The following OXR1 variants were observed in gnomAD, a reference collection of about 807,000 sequenced individuals.
OXR1 encodes the protein oxidation resistance protein 1.
In OXR1, 41 loss-of-function variants were observed where a neutral mutation model predicts 104.6. That is an observed-to-expected ratio of 0.39 (90% confidence interval 0.31 to 0.51). The LOEUF is 0.51. OXR1 is among the 20% of genes least tolerant of loss of function. The pLI is 0.77. For missense variants in OXR1, 955 were observed against 1,031.9 expected, an observed-to-expected ratio of 0.93 and a Z score of 1.02; for synonymous variants, 348 against 348.4, an observed-to-expected ratio of 1.00 and a Z score of 0.01.
intron 3 of OXR1, among the ~76,000 whole-genome samples, chr8:106,578,949 G>A (rs1340737599): frequency 6.9e-6 from 1 of 143,970 alleles, no homozygotes; most frequent in Non-Finnish European, 1.5e-5. Context: ...TGGCATCTTT[G>A]ACTTTAGTGA....
intron 2 of OXR1, among the ~76,000 whole-genome samples, chr8:106,430,207 A>G (rs1458022724): frequency 6.6e-6 from 1 of 152,204 alleles, no homozygotes; most frequent in Non-Finnish European, 1.5e-5. Flanking sequence ...TTTATGTGTT[A>G]TGTAAACCAA....
At chr8:106,297,875 A>G (rs918356973) in intron 1 of OXR1, among the ~76,000 whole-genome samples, 2 of 152,224 alleles carry the variant, frequency 1.3e-5, no homozygotes, top group African/African-American at 4.8e-5. Context: ...ATGAACAAAA[A>G]GTGGTGAGGG....
intron 1 of OXR1, among the ~76,000 whole-genome samples, chr8:106,288,544 A>ATG (rs1812595297): frequency 5.0e-5 from 5 of 100,578 alleles, no homozygotes; most frequent in Admixed American, 2.9e-4. Context: ...GTGTGTGTGT[A>ATG]TATATATATA....
At chr8:106,574,777 C>G (rs375819678) in intron 3 of OXR1, among the ~76,000 whole-genome samples, 1 of 152,206 alleles carries the variant, frequency 6.6e-6, no homozygotes, top group South Asian at 2.1e-4. Context: ...AATAGTGCTT[C>G]TAATGCAGCT....
chr8:106,359,848 T>C (rs1260272880), intron 2 of OXR1, among the ~76,000 whole-genome samples: 1 of 152,130 alleles, frequency 6.6e-6, no homozygotes, highest in Non-Finnish European at 1.5e-5. Flanking sequence ...CTGGAAAGGA[T>C]TGAAGCCTCG....
intron 3 of OXR1, among the ~76,000 whole-genome samples, chr8:106,665,680 T>A (rs1038951397): frequency 6.6e-6 from 1 of 152,180 alleles, no homozygotes; most frequent in African/African-American, 2.4e-5. Flanking sequence ...TGTTTTTCTG[T>A]GTGTGAAGGC....
At chr8:106,626,832 ATATAT>A (rs1822210146) in intron 3 of OXR1, among the ~76,000 whole-genome samples, 1 of 150,870 alleles carries the variant, frequency 6.6e-6, no homozygotes, top group Admixed American at 6.6e-5. Context: ...ATTTTTAAAT[ATATAT>A]TATAATTATC....
At chr8:106,720,440 TTAGAC>T (rs764319063) in intron 11 of OXR1, among the ~76,000 whole-genome samples, 14 of 152,216 alleles carry the variant, frequency 9.2e-5, no homozygotes, top group Non-Finnish European at 1.5e-5. Context: ...GGAAGACTCT[TTAGAC>T]TATATTGATT....
intron 3 of OXR1, among the ~76,000 whole-genome samples, chr8:106,634,189 C>T (rs576087415): frequency 2.6e-4 from 40 of 152,068 alleles, no homozygotes; most frequent in South Asian, 2.1e-4. Context: ...GCCAGTATAA[C>T]GTGAAAGGCA....
chr8:106,606,020 T>G (rs1333269118), intron 3 of OXR1, among the ~76,000 whole-genome samples: 1 of 152,016 alleles, frequency 6.6e-6, no homozygotes. Flanking sequence ...CTATTGCAGT[T>G]GTGACAAGTC....
intron 16 of OXR1, among the ~76,000 whole-genome samples, chr8:106,746,795 G>T (rs879827757): frequency 5.9e-5 from 9 of 152,052 alleles, no homozygotes; most frequent in Non-Finnish European, 1.3e-4. Flanking sequence ...TACCTTTTGG[G>T]GGGGGTATCA....
At chr8:106,523,698 T>G (rs180961553) in intron 3 of OXR1, among the ~76,000 whole-genome samples, 1 of 152,282 alleles carries the variant, frequency 6.6e-6, no homozygotes, top group East Asian at 1.9e-4. Context: ...AAAAATAGAA[T>G]GGTTAATTAG....
chr8:106,500,765 C>T (rs751946913), intron 2 of OXR1, among the ~76,000 whole-genome samples: 8 of 152,136 alleles, frequency 5.3e-5, no homozygotes, highest in Non-Finnish European at 1.2e-4. Context: ...ATAATGTTTT[C>T]CTTTTAGTTA....
At chr8:106,413,623 C>T (rs1168930585) in intron 2 of OXR1, among the ~76,000 whole-genome samples, 1 of 151,888 alleles carries the variant, frequency 6.6e-6, no homozygotes, top group Non-Finnish European at 1.5e-5. Context: ...CTTAATTGTA[C>T]GCTTTCTAGT....
chr8:106,591,894 T>C (rs1323282091), intron 3 of OXR1, among the ~76,000 whole-genome samples: 1 of 152,212 alleles, frequency 6.6e-6, no homozygotes, highest in Non-Finnish European at 1.5e-5. Flanking sequence ...AAACGCAAGG[T>C]TATTCATAAA....
chr8:106,398,337 AT>A (rs1817864808), intron 2 of OXR1, among the ~76,000 whole-genome samples: 1 of 152,078 alleles, frequency 6.6e-6, no homozygotes, highest in Non-Finnish European at 1.5e-5. Flanking sequence ...ATTTAGATTT[AT>A]TTGGTACAGA....
intron 3 of OXR1, among the ~76,000 whole-genome samples, chr8:106,569,499 C>T (rs1441193199): frequency 6.6e-5 from 10 of 152,148 alleles, no homozygotes; most frequent in Admixed American, 2.0e-4. Flanking sequence ...AAGTGTTGAA[C>T]GGCAAGAACA....
At chr8:106,639,598 A>G (rs1387804134) in intron 3 of OXR1, among the ~76,000 whole-genome samples, 1 of 152,182 alleles carries the variant, frequency 6.6e-6, no homozygotes, top group Non-Finnish European at 1.5e-5. Flanking sequence ...AAAAAGAAGG[A>G]AAAGGGTGGG....
intron 11 of OXR1, among the ~76,000 whole-genome samples, chr8:106,723,232 G>A (rs902446630): frequency 1.3e-5 from 2 of 151,834 alleles, no homozygotes; most frequent in African/African-American, 2.4e-5. Context: ...TGGCTCATGC[G>A]TGTAATCCCA....
Sources: allele counts gnomAD v4.1 joint callset (sites outside exome capture counted in the v4.1 genomes callset), GRCh38; gene constraint gnomAD v4.1.1; transcripts MANE v1.5; gene names NCBI Gene and HGNC (gene_info 2026-07-23, HGNC 2026-07-21).